Variants in YWHAE observed in about 807,000 individuals in gnomAD.
The protein encoded by YWHAE is 14-3-3 protein epsilon.
YWHAE carries 4 observed loss-of-function variants against 30.1 expected under a neutral mutation model. The ratio of observed to expected loss-of-function variants is 0.13; its 90% CI spans 0.07 to 0.30. The LOEUF is 0.30. Among genes scored for constraint, YWHAE ranks in the 10% least tolerant of loss-of-function variants. YWHAE has a pLI of 1.00. For missense variants in YWHAE, 121 were observed against 315.9 expected (o/e 0.38, Z 4.68); for synonymous variants, 118 against 111.8 (o/e 1.06, Z -0.35).
At chr17:1,359,209 A>G (rs2072813245) in intron 4 of YWHAE, among the ~76,000 whole-genome samples, 1 of 152,144 alleles carries the variant, frequency 6.6e-6, no homozygotes, top group African/African-American at 2.4e-5. Context: ...AGTGACAGCT[A>G]CTTGGAAGGC....
intron 1 of YWHAE, among the ~76,000 whole-genome samples, chr17:1,387,271 C>T (rs747384190): frequency 2.0e-5 from 3 of 152,072 alleles, no homozygotes; most frequent in Admixed American, 6.5e-5. Flanking sequence ...TCTCAATTTA[C>T]GAGGATACTC....
intron 1 of YWHAE, among the ~76,000 whole-genome samples, chr17:1,398,073 C>A (rs566911016): frequency 3.1e-4 from 47 of 152,200 alleles, no homozygotes; most frequent in African/African-American, 1.1e-3. Context: ...TTTAAAGGAG[C>A]TTTCAAAAAG....
chr17:1,344,335 G>A lies in YWHAE; in HGVS notation c.*1112C>T, dbSNP rs2072481522. ...TACCATGTTGCTGCCTGGTCTGGAG[G>A]ACAAGACACACCATCAACTGACTCA... On this transcript the variant is annotated 3_prime_UTR_variant, in exon 6 of 6. Transcript: ENST00000264335. 6.0e-6 allele frequency: 1 copy of A among 167,292 alleles called. No homozygotes were observed. Among genetic ancestry groups the A allele is most frequent in the Admixed American group, 6.4e-5 (1 of 15,604 alleles). The allele number at this position is 167,292 out of a possible 1,614,324, so 10.4% of individuals were successfully genotyped here. A position where few individuals can be genotyped will look rare whatever the true frequency, so the allele number is the denominator to read the frequency against.
chr17:1,387,062 A>G (rs1310990573), intron 1 of YWHAE, among the ~76,000 whole-genome samples: 1 of 152,258 alleles, frequency 6.6e-6, no homozygotes, highest in Non-Finnish European at 1.5e-5. Flanking sequence ...AACAAAAACA[A>G]GACAATCTTT....
chr17:1,381,807 T>A (rs553871444), intron 1 of YWHAE, among the ~76,000 whole-genome samples: 7 of 146,212 alleles, frequency 4.8e-5, no homozygotes, highest in African/African-American at 1.8e-4. Context: ...GTCCCAGGCA[T>A]AGGACTGAGG....
chr17:1,362,426 T>C (rs774424580), intron 2 of YWHAE, among the ~76,000 whole-genome samples: 3 of 152,182 alleles, frequency 2.0e-5, no homozygotes, highest in Non-Finnish European at 2.9e-5. Context: ...AAGAATTTAA[T>C]AAGCAGAGCT....
chr17:1,360,987 T>C lies in YWHAE; in HGVS notation c.578+105A>G, dbSNP rs552857071. Reference sequence around the variant, plus strand: ...TCAGTAAGAGCCAAAAGAATTACTATGCAGCCAAGTCTACAAAGACAGGCC... The same window carrying C: ...TCAGTAAGAGCCAAAAGAATTACTACGCAGCCAAGTCTACAAAGACAGGCC... On this transcript the variant is annotated intron_variant, in intron 4 of 5. Coordinates refer to ENST00000264335, the MANE Select transcript of YWHAE (RefSeq NM_006761.5). 187 of 1,043,176 alleles carry C rather than the reference T, an allele frequency of 1.8e-4. 1 individual carries two copies. The highest frequency in any genetic ancestry group is 2.5e-4 in the Non-Finnish European group (175 of 697,008). 64.6% of individuals were successfully genotyped at this position (1,043,176 alleles called of 1,614,324 possible).
At chr17:1,351,450 A>G (rs976323173) in intron 5 of YWHAE, among the ~76,000 whole-genome samples, 2 of 151,542 alleles carry the variant, frequency 1.3e-5, no homozygotes, top group Non-Finnish European at 2.9e-5. Context: ...TATTACTTTT[A>G]CTCTCAAAAA....
intron 1 of YWHAE, among the ~76,000 whole-genome samples, chr17:1,374,789 T>C (rs1293436957): frequency 2.6e-5 from 4 of 152,228 alleles, no homozygotes; most frequent in African/African-American, 9.6e-5. Context: ...TTTTCATTAT[T>C]GGTATGTAGG....
chr17:1,380,045 GA>G (rs2073181359), intron 1 of YWHAE, among the ~76,000 whole-genome samples: 4 of 151,364 alleles, frequency 2.6e-5, no homozygotes, highest in Admixed American at 2.6e-4. Context: ...AACAGCACAG[GA>G]AAGTCCCACC....
At chr17:1,394,619 T>G (rs758091646) in intron 1 of YWHAE, among the ~76,000 whole-genome samples, 11 of 151,824 alleles carry the variant, frequency 7.2e-5, no homozygotes, top group Non-Finnish European at 5.9e-5. Flanking sequence ...AAAAAATTTT[T>G]TTTTAATTTA....
At chr17:1,349,776 G>T (rs10083863) in intron 5 of YWHAE, among the ~76,000 whole-genome samples, 111,423 of 151,480 alleles carry the variant, frequency 0.74, 42,318 homozygotes, top group African/African-American at 0.92. Context: ...CCACGCCCGG[G>T]TAATTTTTTT....
chr17:1,379,138 G>T (rs181419665), intron 1 of YWHAE, among the ~76,000 whole-genome samples: 1 of 152,162 alleles, frequency 6.6e-6, no homozygotes, highest in African/African-American at 2.4e-5. Context: ...CTTTAAGGTT[G>T]ACTATACTCA....
rs777019698 is a variant in YWHAE at position 1,400,159 on chromosome 17, T to C, written c.-49A>G. Reference sequence around the variant, plus strand: ...CTGCGCGACGGATGGAAGCGGATAGTGTCTCCGACTCTCTCAGCCTCTCGC... The same window carrying C: ...CTGCGCGACGGATGGAAGCGGATAGCGTCTCCGACTCTCTCAGCCTCTCGC... On this transcript the variant is annotated 5_prime_UTR_variant, in exon 1 of 6. Coordinates refer to ENST00000264335, the MANE Select transcript of YWHAE (RefSeq NM_006761.5). 22 of 1,606,150 alleles carry C rather than the reference T, an allele frequency of 1.4e-5. No homozygotes were observed. Among genetic ancestry groups the C allele is most frequent in the South Asian group, 3.3e-5 (3 of 90,908 alleles).
chr17:1,362,050 A>C, intron 2 of YWHAE, 42 bp from the exon 3 acceptor site: 1 of 1,200,412 alleles, frequency 8.3e-7, no homozygotes, highest in East Asian at 2.7e-5. Flanking sequence ...TTAAGTCTAG[A>C]AATTCTACAA....
At chr17:1,381,154 A>C (rs1233960302) in intron 1 of YWHAE, among the ~76,000 whole-genome samples, 14 of 152,138 alleles carry the variant, frequency 9.2e-5, no homozygotes, top group Non-Finnish European at 1.8e-4. Flanking sequence ...GGAGGCTAAC[A>C]ATCACTTGAG....
chr17:1,395,873 C>G (rs2073463151), intron 1 of YWHAE, among the ~76,000 whole-genome samples: 1 of 152,188 alleles, frequency 6.6e-6, no homozygotes, highest in Admixed American at 6.5e-5. Context: ...AACCCCAGCA[C>G]TCTGGGAGGC....
chr17:1,379,124 A>AG (rs2073167995), intron 1 of YWHAE, among the ~76,000 whole-genome samples: 1 of 152,206 alleles, frequency 6.6e-6, no homozygotes, highest in Non-Finnish European at 1.5e-5. Context: ...TTGCGATGTC[A>AG]TCACTTTAAG....
At chr17:1,364,831 A>AGG (rs772080293) in intron 2 of YWHAE, 28 bp downstream of exon 2, 2 of 1,613,642 alleles carry the variant, frequency 1.2e-6, no homozygotes, top group Non-Finnish European at 1.7e-6. Context: ...ACTGTGGATA[A>AGG]GGGGGGATGA....
Sources: gnomAD v4.1 joint callset for allele counts (sites outside exome capture counted in the v4.1 genomes callset) on GRCh38, gnomAD v4.1.1 for gene constraint, MANE v1.5 for transcripts, NCBI Gene and HGNC (gene_info 2026-07-23, HGNC 2026-07-21) for gene names.